EIF4ENIF1: variants seen among roughly 807,000 people sequenced by gnomAD.
EIF4ENIF1 encodes the protein eukaryotic translation initiation factor 4E transporter.
A neutral mutation model predicts 110.5 loss-of-function variants in EIF4ENIF1; 23 were observed. The ratio of observed to expected loss-of-function variants is 0.21; its 90% CI spans 0.15 to 0.29. EIF4ENIF1 has a LOEUF of 0.29. Ranked by LOEUF, EIF4ENIF1 falls within the 10% of genes least tolerant of loss-of-function variation. The probability of loss-of-function intolerance (pLI) is 1.00; values close to 1 mark genes in which losing one functional copy is unlikely to be tolerated. For missense variants in EIF4ENIF1, 1,031 were observed against 1,221.1 expected (o/e 0.84, Z 2.32); for synonymous variants, 440 against 437.0 (o/e 1.01, Z -0.09).
chr22:31,446,425 G>C (rs528760788), intron 14 of EIF4ENIF1, among the ~76,000 whole-genome samples: 4 of 152,150 alleles, frequency 2.6e-5, no homozygotes, highest in Admixed American at 2.0e-4. Context: ...TCGGTGGAAG[G>C]GTGCTATAAA....
Position 31,450,896 on chromosome 22 carries a change from A to ACACAC in EIF4ENIF1, c.1513-537_1513-536insGTGTG, listed in dbSNP as rs747824280. The ACACAC allele has an allele frequency of 3.3e-3, 383 of 115,414 alleles. 4 individuals are homozygous for ACACAC. The highest frequency in any genetic ancestry group is 0.018 in the East Asian group (60 of 3,354). 7.1% of individuals were successfully genotyped at this position (115,414 alleles called of 1,614,324 possible). ...ACACACACACACACACACACACACA[A>ACACAC]AAGAGACAGGGTCTTGTTCTGTTGC... On this transcript the variant is annotated intron_variant, in intron 10 of 18. Transcript: ENST00000330125.
chr22:31,479,747 A>T (rs927938286), intron 2 of EIF4ENIF1, among the ~76,000 whole-genome samples: 2 of 136,466 alleles, frequency 1.5e-5, no homozygotes, highest in African/African-American at 5.6e-5. Flanking sequence ...ACAGGTTCTC[A>T]CTCTCAGGCT....
intron 2 of EIF4ENIF1, among the ~76,000 whole-genome samples, chr22:31,478,577 G>C (rs1569103116): frequency 6.6e-6 from 1 of 150,930 alleles, no homozygotes. Flanking sequence ...CAGCACTTTG[G>C]GAGGCCAAGG....
intron 2 of EIF4ENIF1, among the ~76,000 whole-genome samples, chr22:31,484,767 G>A (rs1289750729): frequency 4.6e-5 from 7 of 151,722 alleles, no homozygotes; most frequent in Admixed American, 4.6e-4. Context: ...CTGGGGCGGA[G>A]GTTGCGGTGA....
intron 2 of EIF4ENIF1, among the ~76,000 whole-genome samples, chr22:31,481,419 C>T (rs1159511008): frequency 6.6e-6 from 1 of 152,104 alleles, no homozygotes; most frequent in Non-Finnish European, 1.5e-5. Context: ...ACCTTGTCCT[C>T]CCAATGACTT....
intron 9 of EIF4ENIF1, among the ~76,000 whole-genome samples, chr22:31,454,735 T>C (rs1367915942): frequency 1.3e-5 from 2 of 152,176 alleles, no homozygotes; most frequent in East Asian, 1.9e-4. Flanking sequence ...CCAAGATTGC[T>C]GCCTGCACCG....
intron 8 of EIF4ENIF1, 80 bp from the exon 9 acceptor site, chr22:31,455,395 CTTTTTTTT>C (rs67838369): frequency 8.6e-6 from 7 of 810,160 alleles, no homozygotes; most frequent in East Asian, 7.3e-5. Flanking sequence ...TTCTTTCTTT[CTTTTTTTT>C]TTTTTTTTTC....
intron 2 of EIF4ENIF1, 129 bp downstream of exon 2, chr22:31,488,493 AT>A (rs2052128993): frequency 7.3e-7 from 1 of 1,378,724 alleles, no homozygotes; most frequent in Non-Finnish European, 1.0e-6. Context: ...GCACTACTAA[AT>A]TTAGTTAATA....
chr22:31,444,495 TATTTCCGTGGAAGGAACTCAAGGAC>T lies in EIF4ENIF1; in HGVS notation c.2073+86_2073+110del. 13 of 1,007,430 alleles carry T rather than the reference TATTTCCGTGGAAGGAACTCAAGGAC, an allele frequency of 1.3e-5. No individual in the cohort carries two copies. In the South Asian group the frequency reaches 1.6e-4, roughly 12 times the overall value. The allele number at this position is 1,007,430 out of a possible 1,614,324, so 62.4% of individuals were successfully genotyped here. On this transcript the variant is annotated intron_variant, in intron 15 of 18. Transcript: ENST00000330125. Reference sequence around the variant, plus strand: ...AGTTATGAAAAACTACTAGGTCAGTTATTTCCGTGGAAGGAACTCAAGGACATTTAGGGCACACAGTGGTACAATC... The same window carrying T: ...AGTTATGAAAAACTACTAGGTCAGTTATTTAGGGCACACAGTGGTACAATC...
intron 4 of EIF4ENIF1, 145 bp from the exon 5 acceptor site, chr22:31,464,112 G>C (rs2051092848): frequency 4.1e-6 from 4 of 978,330 alleles, no homozygotes; most frequent in Non-Finnish European, 2.9e-6. Context: ...CAGATTCAGG[G>C]TAACATGTAC....
At chr22:31,480,624 G>A (rs193286621) in intron 2 of EIF4ENIF1, among the ~76,000 whole-genome samples, 4 of 151,750 alleles carry the variant, frequency 2.6e-5, no homozygotes, top group African/African-American at 7.3e-5. Context: ...GCATGGTGGC[G>A]TGCGCCTGTA....
In EIF4ENIF1 at chr22:31,454,139, CT is replaced by C. The variant is rs772478652; in HGVS notation, c.1512+4del. 6.2e-7 allele frequency: 1 copy of C among 1,613,532 alleles called. No homozygotes were observed. The highest frequency in any genetic ancestry group is 8.5e-7 in the Non-Finnish European group (1 of 1,179,502). On this transcript the variant is annotated splice_donor_region_variant and intron_variant, in intron 10 of 18. Transcript: ENST00000330125. Reference sequence around the variant, plus strand: ...AAGGGTGGGGGGTTTGTGTCAGATACTTACGCTGACTTTGGGCTGAGAAGGC... The same window carrying C: ...AAGGGTGGGGGGTTTGTGTCAGATACTACGCTGACTTTGGGCTGAGAAGGC...
At position 31,446,027 on chromosome 22, in the gene EIF4ENIF1, T is replaced by G. The variant is rs185361914; in HGVS notation, c.1989-1337A>C. Among the ~76,000 whole-genome samples the G allele has an allele frequency of 5.2e-3, 759 of 145,822 alleles. 3 individuals carry two copies. Among genetic ancestry groups the G allele is most frequent in the African/African-American group, 0.018 (695 of 39,584 alleles). ...ATTCTGGGCCAGGTGCGGTGGCTCA[T>G]GCCTGTAATCCCAGCACTTTGGGGA... On this transcript the variant is annotated intron_variant, in intron 14 of 18. Transcript: ENST00000330125.
chr22:31,441,706 T>TC lies in EIF4ENIF1; in HGVS notation c.2551+67dup, dbSNP rs915015391. On this transcript the variant is annotated intron_variant, in intron 17 of 18. Transcript: ENST00000330125. The stretch of plus-strand genomic sequence containing the variant: ...TGGAAATCTCCCACATTATAGCACT[T>TC]CATCAGTGCCAACAATTGTCCCCTA... 183 of 1,309,810 alleles carry TC rather than the reference T, an allele frequency of 1.4e-4. No homozygotes were observed. In the Middle Eastern group the frequency reaches 2.1e-3, roughly 15 times the overall value. The allele number at this position is 1,309,810 out of a possible 1,614,324, so 81.1% of individuals were successfully genotyped here. A position where few individuals can be genotyped will look rare whatever the true frequency, so the allele number is the denominator to read the frequency against.
At chr22:31,475,266 T>C (rs1261102657) in intron 2 of EIF4ENIF1, among the ~76,000 whole-genome samples, 1 of 137,632 alleles carries the variant, frequency 7.3e-6, no homozygotes, top group African/African-American at 2.5e-5. Context: ...TTCAAAATTC[T>C]GAAAAAAAAC....
At chr22:31,487,656 G>A (rs969286853) in intron 2 of EIF4ENIF1, among the ~76,000 whole-genome samples, 7 of 152,052 alleles carry the variant, frequency 4.6e-5, no homozygotes, top group African/African-American at 1.7e-4. Context: ...CGAGCGTACT[G>A]GTGCACGCCT....
At chr22:31,471,341 A>C (rs2051370204) in intron 3 of EIF4ENIF1, among the ~76,000 whole-genome samples, 1 of 149,790 alleles carries the variant, frequency 6.7e-6, no homozygotes, top group Non-Finnish European at 1.5e-5. Context: ...TTGAGACGGA[A>C]TCTCGCACTG....
chr22:31,475,924 G>C (rs2051555468), intron 2 of EIF4ENIF1, among the ~76,000 whole-genome samples: 1 of 150,862 alleles, frequency 6.6e-6, no homozygotes, highest in Non-Finnish European at 1.5e-5. Context: ...CATGGTGTCA[G>C]ATCTGTAGGG....
At chr22:31,488,861 A>T (rs1435515466) in intron 1 of EIF4ENIF1, 116 bp from the exon 2 acceptor site, 1 of 1,176,638 alleles carries the variant, frequency 8.5e-7, no homozygotes, top group African/African-American at 1.6e-5. Context: ...TGTTAAAAAC[A>T]AGTCCCCACC....
Sources: allele counts gnomAD v4.1 joint callset (sites outside exome capture counted in the v4.1 genomes callset), GRCh38; gene constraint gnomAD v4.1.1; transcripts MANE v1.5; gene names NCBI Gene and HGNC (gene_info 2026-07-23, HGNC 2026-07-21).